Variants in CDC123 observed in about 807,000 individuals in gnomAD.
CDC123 encodes translation initiation factor eIF2 assembly protein.
Under a neutral mutation model 54.4 loss-of-function variants are expected in CDC123, and 37 were observed. The observed-to-expected ratio is 0.68, with a 90% confidence interval of 0.52 to 0.89. CDC123 has a LOEUF of 0.89. Ranked by LOEUF, CDC123 falls within the 40% of genes least tolerant of loss-of-function variation. The pLI, the probability that CDC123 is intolerant of heterozygous loss-of-function variation, is 0.00. For missense variants in CDC123, 361 were observed against 412.1 expected (o/e 0.88, Z 1.07); for synonymous variants, 144 against 136.8 (o/e 1.05, Z -0.37).
At chr10:12,240,250 G>A (rs1836039220) in intron 10 of CDC123, among the ~76,000 whole-genome samples, 1 of 152,138 alleles carries the variant, frequency 6.6e-6, no homozygotes, top group African/African-American at 2.4e-5. Flanking sequence ...TTATTAAGAA[G>A]TTTAGGTCAC....
intron 12 of CDC123, chr10:12,249,927 T>G (rs1836218498): frequency 1.6e-6 from 1 of 637,722 alleles, no homozygotes; most frequent in Non-Finnish European, 2.5e-6. Flanking sequence ...AAAATGTTTT[T>G]ATGCTGTACA....
At chr10:12,212,400 G>A (rs1250676023) in intron 4 of CDC123, among the ~76,000 whole-genome samples, 1 of 152,234 alleles carries the variant, frequency 6.6e-6, no homozygotes, top group East Asian at 1.9e-4. Context: ...ACAAAAAGAT[G>A]CCAGAAGCTA....
intron 5 of CDC123, 97 bp from the exon 6 acceptor site, chr10:12,217,264 C>A: frequency 8.4e-7 from 1 of 1,193,850 alleles, no homozygotes; most frequent in East Asian, 2.5e-5. Flanking sequence ...TCCTTAAACC[C>A]TTGAAGTGAT....
intron 6 of CDC123, among the ~76,000 whole-genome samples, chr10:12,219,044 G>C (rs1327443506): frequency 2.6e-5 from 4 of 152,296 alleles, no homozygotes; most frequent in Non-Finnish European, 5.9e-5. Context: ...GCATAAGCAT[G>C]CCACTTCCGC....
chr10:12,234,163 C>T (rs574749982), intron 7 of CDC123, among the ~76,000 whole-genome samples: 3 of 152,244 alleles, frequency 2.0e-5, no homozygotes, highest in East Asian at 3.9e-4. Flanking sequence ...GGCGCAATCT[C>T]GGCTCACTGC....
At chr10:12,214,291 C>G (rs564681565) in intron 4 of CDC123, among the ~76,000 whole-genome samples, 1 of 152,288 alleles carries the variant, frequency 6.6e-6, no homozygotes, top group East Asian at 1.9e-4. Context: ...CTGCCAGTGC[C>G]CATCTCACAG....
intron 6 of CDC123, among the ~76,000 whole-genome samples, chr10:12,226,583 C>T (rs1463122265): frequency 2.1e-5 from 3 of 143,380 alleles, no homozygotes; most frequent in East Asian, 2.1e-4. Context: ...CAGACAGCGT[C>T]GCGGCTGGGC....
At chr10:12,197,350 G>A (rs1391535672) in intron 1 of CDC123, among the ~76,000 whole-genome samples, 5 of 151,230 alleles carry the variant, frequency 3.3e-5, no homozygotes. Context: ...AATAAGATTT[G>A]TTAGAAGAAA....
At chr10:12,242,525 C>T (rs1836072398) in intron 10 of CDC123, among the ~76,000 whole-genome samples, 1 of 152,218 alleles carries the variant, frequency 6.6e-6, no homozygotes, top group South Asian at 2.1e-4. Context: ...GTCCCTAGAG[C>T]TTGATCGGGG....
chr10:12,218,900 TAGC>T (rs928713910), intron 6 of CDC123, among the ~76,000 whole-genome samples: 1 of 152,244 alleles, frequency 6.6e-6, no homozygotes, highest in Non-Finnish European at 1.5e-5. Context: ...TGTCTTCAAA[TAGC>T]AGCTATTTTT....
chr10:12,197,367 G>A (rs1835371187), intron 1 of CDC123, among the ~76,000 whole-genome samples: 1 of 140,362 alleles, frequency 7.1e-6, no homozygotes, highest in South Asian at 2.3e-4. Context: ...GAAATTAAAA[G>A]CCTGAAGAAC....
Position 12,235,074 on chromosome 10 carries a change from G to C in CDC123, c.516G>C (p.Leu172Phe), listed in dbSNP as rs1490154536. The C allele has an allele frequency of 6.2e-7, 1 of 1,613,858 alleles. No homozygotes were observed. The highest frequency in any genetic ancestry group is 1.3e-5 in the African/African-American group (1 of 74,920). The change falls in exon 8 of 13, where the codon TTG (leucine) becomes TTC (phenylalanine). Residue 172 changes from leucine (L) to phenylalanine (F), a missense_variant. Transcript: ENST00000281141. ...YELVLRKWCE[L>F]IPGAEFRCFV... ...TCGTTCTCCGAAAATGGTGTGAATT[G>C]ATTCCTGGGGCTGAGTTTCGATGTT...
intron 6 of CDC123, among the ~76,000 whole-genome samples, chr10:12,229,355 C>T (rs1053801768): frequency 6.6e-5 from 10 of 152,242 alleles, no homozygotes; most frequent in African/African-American, 9.6e-5. Flanking sequence ...GGTGGGCACA[C>T]GAGGCCTCTC....
intron 10 of CDC123, 42 bp from the exon 11 acceptor site, chr10:12,246,107 C>T (rs1564260496): frequency 6.3e-7 from 1 of 1,599,910 alleles, no homozygotes; most frequent in Non-Finnish European, 8.5e-7. Flanking sequence ...AGACAGAGTA[C>T]AGAAGATGTT....
At position 12,239,710 on chromosome 10, in the gene CDC123, TAAAA is replaced by T. The variant is rs34401171; in HGVS notation, c.717+1236_717+1239del. Reference sequence around the variant, plus strand: ...GCAACAAGAGCGAAACTCTGTTTTTTAAAAAAAAAAAAAAGGGGCCGGGCGCGGT... The same window carrying T: ...GCAACAAGAGCGAAACTCTGTTTTTTAAAAAAAAAAGGGGCCGGGCGCGGT... On this transcript the variant is annotated intron_variant, in intron 10 of 12. Coordinates refer to ENST00000281141, the MANE Select transcript of CDC123 (RefSeq NM_006023.3). Among the ~76,000 whole-genome samples, 134 of 145,138 alleles carry T rather than the reference TAAAA, an allele frequency of 9.2e-4. No individual in the cohort carries two copies. In the East Asian group the frequency reaches 0.022, roughly 23 times the overall value.
At chr10:12,225,405 T>C (rs1414932170) in intron 6 of CDC123, among the ~76,000 whole-genome samples, 2 of 152,074 alleles carry the variant, frequency 1.3e-5, no homozygotes, top group East Asian at 3.9e-4. Context: ...AAAAAATAAA[T>C]AAATGAATAA....
At chr10:12,208,601 G>T (rs1418673950) in intron 2 of CDC123, among the ~76,000 whole-genome samples, 1 of 152,196 alleles carries the variant, frequency 6.6e-6, no homozygotes, top group Non-Finnish European at 1.5e-5. Context: ...CCTGAAGAGG[G>T]CTTTGTGCAG....
chr10:12,226,640 C>T (rs527926862), intron 6 of CDC123, among the ~76,000 whole-genome samples: 42 of 151,394 alleles, frequency 2.8e-4, no homozygotes, highest in Admixed American at 2.0e-4. Context: ...CAGAGGCGCT[C>T]CTCACATCCC....
intron 6 of CDC123, among the ~76,000 whole-genome samples, chr10:12,229,403 CAG>C (rs1835869423): frequency 6.6e-6 from 1 of 152,198 alleles, no homozygotes; most frequent in Admixed American, 6.5e-5. Flanking sequence ...AGTTTCTGTC[CAG>C]CTCCATCTGT....
Sources: allele counts gnomAD v4.1 joint callset (sites outside exome capture counted in the v4.1 genomes callset), GRCh38; gene constraint gnomAD v4.1.1; transcripts MANE v1.5; gene names NCBI Gene and HGNC (gene_info 2026-07-23, HGNC 2026-07-21).